CERT1: variants seen among roughly 807,000 people sequenced by gnomAD.
CERT1 encodes ceramide transporter 1.
CERT1 carries 31 observed loss-of-function variants against 87.9 expected under a neutral mutation model. The ratio of observed to expected loss-of-function variants is 0.35; its 90% CI spans 0.27 to 0.48. The LOEUF (loss-of-function observed/expected upper bound fraction) is 0.48. CERT1 is among the 20% of genes least tolerant of loss of function. The pLI, the probability that CERT1 is intolerant of heterozygous loss-of-function variation, is 0.99. For missense variants in CERT1, 487 were observed against 758.0 expected, an observed-to-expected ratio of 0.64 and a Z score of 4.20; for synonymous variants, 289 against 250.9, an observed-to-expected ratio of 1.15 and a Z score of -1.44.
Position 75,379,279 on chromosome 5 carries a change from A to T in CERT1, c.*67T>A. On this transcript the variant is annotated 3_prime_UTR_variant, in exon 17 of 17. Coordinates refer to ENST00000643780, the MANE Select transcript of CERT1 (RefSeq NM_001379029.1). ...ATACTTTCAACAACTAAATTTTAGTATTGACAGTCATATTAGTCAAATAAA... is the reference window on the plus strand; with the variant it reads ...ATACTTTCAACAACTAAATTTTAGTTTTGACAGTCATATTAGTCAAATAAA... The T allele has an allele frequency of 7.5e-7, 1 of 1,324,958 alleles. No individual in the cohort carries two copies. Among genetic ancestry groups the T allele is most frequent in the Non-Finnish European group, 1.1e-6 (1 of 945,752 alleles). 82.1% of individuals were successfully genotyped at this position (1,324,958 alleles called of 1,614,324 possible).
intron 2 of CERT1, among the ~76,000 whole-genome samples, chr5:75,466,222 A>G (rs762898623): frequency 4.6e-5 from 7 of 152,178 alleles, no homozygotes; most frequent in Non-Finnish European, 8.8e-5. Context: ...CAGGAACAAG[A>G]TAGAAGGAAC....
At chr5:75,500,970 A>G (rs1353600668) in intron 2 of CERT1, among the ~76,000 whole-genome samples, 2 of 149,608 alleles carry the variant, frequency 1.3e-5, no homozygotes, top group African/African-American at 4.9e-5. Flanking sequence ...CCTTGCTTTT[A>G]TATCTCCATT....
chr5:75,467,641 C>CAA (rs1458470572), intron 2 of CERT1, among the ~76,000 whole-genome samples: 849 of 48,804 alleles, frequency 0.017, 12 homozygotes, highest in Non-Finnish European at 0.021. Flanking sequence ...ACTCTGTCTC[C>CAA]AAAAAAAAGA....
At chr5:75,477,282 T>C (rs1453479042) in intron 2 of CERT1, among the ~76,000 whole-genome samples, 3 of 152,168 alleles carry the variant, frequency 2.0e-5, no homozygotes, top group Non-Finnish European at 4.4e-5. Context: ...GCTCTCCCCT[T>C]ACTTGGCTTT....
At chr5:75,480,513 G>A (rs1373509754) in intron 2 of CERT1, among the ~76,000 whole-genome samples, 5 of 152,152 alleles carry the variant, frequency 3.3e-5, no homozygotes, top group African/African-American at 7.2e-5. Flanking sequence ...AGAATCAAAC[G>A]ATAAACTCAC....
chr5:75,410,147 T>C (rs79466936), intron 8 of CERT1, among the ~76,000 whole-genome samples: 11,918 of 152,160 alleles, frequency 0.078, 562 homozygotes, highest in South Asian at 0.17. Context: ...TTCTTACACA[T>C]TTTTTTCTCT....
chr5:75,384,836 G>T, intron 13 of CERT1, 124 bp from the exon 14 acceptor site: 2 of 614,766 alleles, frequency 3.3e-6, no homozygotes, highest in Non-Finnish European at 5.7e-6. Context: ...GCCCTATCTA[G>T]GTTACATCCA....
chr5:75,450,016 C>T (rs1359625949), intron 3 of CERT1, among the ~76,000 whole-genome samples: 1 of 152,172 alleles, frequency 6.6e-6, no homozygotes, highest in Non-Finnish European at 1.5e-5. Flanking sequence ...CTTCACTACT[C>T]AGTGTACAAT....
downstream of CERT1, chr5:75,377,132 C>G (rs1403089980): frequency 1.3e-5 from 2 of 152,108 alleles, no homozygotes; most frequent in African/African-American, 4.8e-5. Context: ...AAAAGATTCT[C>G]AATGGACTAA....
At chr5:75,457,517 T>C (rs981355582) in intron 3 of CERT1, among the ~76,000 whole-genome samples, 1 of 152,132 alleles carries the variant, frequency 6.6e-6, no homozygotes, top group Non-Finnish European at 1.5e-5. Flanking sequence ...TATTTAGACT[T>C]TTCTGAAGTA....
intron 8 of CERT1, among the ~76,000 whole-genome samples, chr5:75,404,433 C>T (rs891921937): frequency 6.6e-6 from 1 of 151,416 alleles, no homozygotes; most frequent in Non-Finnish European, 1.5e-5. Context: ...AAAATAGTAA[C>T]AACACCCTAG....
chr5:75,370,678 G>A (rs949016016), intron 17 of CERT1: 5 of 152,068 alleles, frequency 3.3e-5, no homozygotes, highest in African/African-American at 4.8e-5. Context: ...TGAGCTGGGC[G>A]CGATGGCTGA....
chr5:75,387,831 TAG>T (rs1173053990), intron 12 of CERT1, among the ~76,000 whole-genome samples: 17 of 152,354 alleles, frequency 1.1e-4, no homozygotes, highest in Admixed American at 8.5e-4. Flanking sequence ...TTGTTCTCTT[TAG>T]AGAGTAACTT....
At position 75,510,535 on chromosome 5, in the gene CERT1, A is replaced by G. The variant is rs150911738; in HGVS notation, c.96+577T>C. Among the ~76,000 whole-genome samples, 28 of 152,238 alleles carry G rather than the reference A, an allele frequency of 1.8e-4. 1 individual carries two copies. In the East Asian group the frequency reaches 5.4e-3, roughly 29 times the overall value. On this transcript the variant is annotated intron_variant, in intron 1 of 16. Coordinates refer to ENST00000643780, the MANE Select transcript of CERT1 (RefSeq NM_001379029.1). Reference sequence around the variant, plus strand: ...ACTATGAATATTTCCTGTACCCATCATGTGCCGATTCAATATCTCTATTCT... The same window carrying G: ...ACTATGAATATTTCCTGTACCCATCGTGTGCCGATTCAATATCTCTATTCT...
At chr5:75,416,421 G>C (rs1010269392) in intron 7 of CERT1, among the ~76,000 whole-genome samples, 2 of 152,102 alleles carry the variant, frequency 1.3e-5, no homozygotes, top group African/African-American at 2.4e-5. Context: ...TGTGAACATA[G>C]GGCAAATGCT....
At chr5:75,376,180 C>G (rs148250581), downstream of CERT1, 1 of 152,298 alleles carries the variant, frequency 6.6e-6, no homozygotes, top group East Asian at 1.9e-4. Context: ...TGCTAATATC[C>G]TACCATTTAT....
chr5:75,383,723 A>C (rs1000943121), intron 14 of CERT1, among the ~76,000 whole-genome samples: 26 of 152,180 alleles, frequency 1.7e-4, no homozygotes, highest in Non-Finnish European at 3.4e-4. Context: ...TAAAAAGAAA[A>C]ATGAAGCACT....
chr5:75,445,775 C>T (rs1301347111), intron 3 of CERT1, among the ~76,000 whole-genome samples: 1 of 152,158 alleles, frequency 6.6e-6, no homozygotes, highest in Non-Finnish European at 1.5e-5. Flanking sequence ...ATTACAGGTG[C>T]AATGCCACCA....
chr5:75,419,239 A>T, intron 6 of CERT1, 102 bp downstream of exon 6: 3 of 702,502 alleles, frequency 4.3e-6, no homozygotes, highest in Non-Finnish European at 7.1e-6. Context: ...CACCAGTTCT[A>T]CTGCTTTTTA....
Sources: gnomAD v4.1 joint callset for allele counts (sites outside exome capture counted in the v4.1 genomes callset) on GRCh38, gnomAD v4.1.1 for gene constraint, MANE v1.5 for transcripts, NCBI Gene and HGNC (gene_info 2026-07-23, HGNC 2026-07-21) for gene names.